RSU1: variants seen among roughly 807,000 people sequenced by gnomAD.
RSU1 encodes rsu-1.
A neutral mutation model predicts 31.1 loss-of-function variants in RSU1; 26 were observed. The ratio of observed to expected loss-of-function variants is 0.84; its 90% CI spans 0.61 to 1.16. RSU1 has a LOEUF of 1.16. Ranked by LOEUF, RSU1 falls within the 50% of genes most tolerant of loss-of-function variation. RSU1 has a pLI of 0.00. For missense variants in RSU1, 320 were observed against 339.1 expected (o/e 0.94, Z 0.44); for synonymous variants, 164 against 136.3 (o/e 1.20, Z -1.41).
At chr10:16,652,277 CTT>C (rs565466113) in intron 8 of RSU1, among the ~76,000 whole-genome samples, 1 of 149,792 alleles carries the variant, frequency 6.7e-6, no homozygotes, top group African/African-American at 2.4e-5. Flanking sequence ...AGAAAGCAAA[CTT>C]TTTCCTCTTC....
At chr10:16,755,600 G>A (rs1175634256) in intron 4 of RSU1, among the ~76,000 whole-genome samples, 1 of 151,538 alleles carries the variant, frequency 6.6e-6, no homozygotes, top group Non-Finnish European at 1.5e-5. Context: ...TTTGTCTTTT[G>A]TGGTGAGACT....
At chr10:16,707,382 C>T (rs1239183882) in intron 7 of RSU1, among the ~76,000 whole-genome samples, 1 of 152,088 alleles carries the variant, frequency 6.6e-6, no homozygotes, top group African/African-American at 2.4e-5. Context: ...CACATCCTTG[C>T]CAACCCTTAT....
chr10:16,719,400 T>C (rs188027313), intron 7 of RSU1, among the ~76,000 whole-genome samples: 71 of 152,250 alleles, frequency 4.7e-4, no homozygotes, highest in African/African-American at 1.6e-3. Flanking sequence ...CATCAGACAA[T>C]GGTGGCTCAC....
chr10:16,623,886 A>G (rs1431839533), intron 8 of RSU1, among the ~76,000 whole-genome samples: 1 of 152,190 alleles, frequency 6.6e-6, no homozygotes, highest in Non-Finnish European at 1.5e-5. Flanking sequence ...ATATTAATAC[A>G]TCAGTGTCAA....
chr10:16,811,050 A>G (rs999347440), intron 2 of RSU1, among the ~76,000 whole-genome samples: 1 of 152,164 alleles, frequency 6.6e-6, no homozygotes, highest in African/African-American at 2.4e-5. Flanking sequence ...TGGACCACAA[A>G]TATGACAGCG....
At chr10:16,631,192 C>T (rs528824609) in intron 8 of RSU1, among the ~76,000 whole-genome samples, 3 of 152,288 alleles carry the variant, frequency 2.0e-5, no homozygotes, top group African/African-American at 4.8e-5. Context: ...AAAACTGTCA[C>T]GTTCCACAGG....
At chr10:16,619,231 T>C (rs975419799) in intron 8 of RSU1, among the ~76,000 whole-genome samples, 3 of 152,224 alleles carry the variant, frequency 2.0e-5, no homozygotes, top group Non-Finnish European at 4.4e-5. Context: ...GTTTACAAAA[T>C]ATTCTATGCC....
chr10:16,659,024 T>C (rs1319578400), intron 8 of RSU1, among the ~76,000 whole-genome samples: 1 of 152,212 alleles, frequency 6.6e-6, no homozygotes, highest in Non-Finnish European at 1.5e-5. Context: ...TTTTCATGTA[T>C]ATTAGCAAGT....
At chr10:16,790,667 T>C (rs1837893369) in intron 2 of RSU1, among the ~76,000 whole-genome samples, 1 of 152,108 alleles carries the variant, frequency 6.6e-6, no homozygotes, top group African/African-American at 2.4e-5. Flanking sequence ...TCATGTTGAA[T>C]TGTAATCGTT....
chr10:16,666,425 TG>T (rs1834989028), intron 8 of RSU1, among the ~76,000 whole-genome samples: 1 of 152,194 alleles, frequency 6.6e-6, no homozygotes, highest in Non-Finnish European at 1.5e-5. Flanking sequence ...AATAACATGT[TG>T]ATCTGAAGAT....
intron 8 of RSU1, among the ~76,000 whole-genome samples, chr10:16,594,704 G>T (rs1488554036): frequency 7.0e-6 from 1 of 143,534 alleles, no homozygotes; most frequent in East Asian, 2.0e-4. Context: ...ATGTATCATA[G>T]ATAATATATG....
At chr10:16,808,622 T>C (rs1416664015) in intron 2 of RSU1, among the ~76,000 whole-genome samples, 5 of 151,940 alleles carry the variant, frequency 3.3e-5, no homozygotes, top group Admixed American at 2.6e-4. Flanking sequence ...CAAAGAGGGA[T>C]GTTATGAGTG....
At chr10:16,761,100 CCA>C (rs1837204354) in intron 4 of RSU1, among the ~76,000 whole-genome samples, 1 of 152,114 alleles carries the variant, frequency 6.6e-6, no homozygotes, top group South Asian at 2.1e-4. Flanking sequence ...GCACGTGCCA[CCA>C]CACTTAATTT....
Position 16,695,029 on chromosome 10 carries a change from T to C in RSU1, c.725A>G (p.Tyr242Cys), listed in dbSNP as rs375416941. Residue 242 changes from tyrosine to cysteine, a missense_variant, in exon 8 of 9, where the codon TAC becomes TGC. Tyr to Cys is a radical substitution (Grantham distance 194). Coordinates refer to ENST00000345264, the MANE Select transcript of RSU1 (RefSeq NM_012425.4). ...AAAATCAGAGTCTACTTACTATTTG[T>C]ATGTCTCAGAACGGATATACTCAAA... Reference protein sequence around the residue: ...HVFEYIRSETYKYLYGRHMQA... With the variant: ...HVFEYIRSETCKYLYGRHMQA... 21 of 1,610,082 alleles carry C rather than the reference T, an allele frequency of 1.3e-5. No individual in the cohort carries two copies. The highest frequency in any genetic ancestry group is 1.8e-5 in the Non-Finnish European group (21 of 1,178,388).
At chr10:16,720,270 A>G (rs540761229) in intron 7 of RSU1, among the ~76,000 whole-genome samples, 1 of 152,364 alleles carries the variant, frequency 6.6e-6, no homozygotes, top group African/African-American at 2.4e-5. Context: ...TAGTTATGAC[A>G]GAAAACATAG....
At chr10:16,663,390 T>C (rs1388215194) in intron 8 of RSU1, among the ~76,000 whole-genome samples, 3 of 152,204 alleles carry the variant, frequency 2.0e-5, no homozygotes. Context: ...CTATTTAAGG[T>C]TGTAATTTGC....
At chr10:16,745,205 G>A (rs547141044) in intron 7 of RSU1, among the ~76,000 whole-genome samples, 32 of 152,262 alleles carry the variant, frequency 2.1e-4, no homozygotes, top group Non-Finnish European at 3.7e-4. Context: ...GTGTATGTGC[G>A]TGTGTGTGTT....
chr10:16,613,952 G>T (rs913902068), intron 8 of RSU1, among the ~76,000 whole-genome samples: 3 of 152,144 alleles, frequency 2.0e-5, no homozygotes, highest in Non-Finnish European at 4.4e-5. Context: ...CTTGGGAATT[G>T]GAGGTTACAA....
At chr10:16,804,714 T>A (rs904284387) in intron 2 of RSU1, among the ~76,000 whole-genome samples, 6 of 152,218 alleles carry the variant, frequency 3.9e-5, no homozygotes, top group African/African-American at 1.4e-4. Flanking sequence ...GTAGCCAATC[T>A]GTAGAGGCTA....
Sources: gnomAD v4.1 joint callset for allele counts (sites outside exome capture counted in the v4.1 genomes callset) on GRCh38, gnomAD v4.1.1 for gene constraint, MANE v1.5 for transcripts, NCBI Gene and HGNC (gene_info 2026-07-23, HGNC 2026-07-21) for gene names.